Variants in ZC4H2 observed in about 807,000 individuals in gnomAD.
ZC4H2 encodes zinc finger C4H2-type containing.
For missense variants in ZC4H2, 137 were observed against 173.9 expected (o/e 0.79, Z 1.19); for synonymous variants, 84 against 66.3 (o/e 1.27, Z -1.30).
chrX:65,007,147 A>G (rs894814324), intron 1 of ZC4H2, among the ~76,000 whole-genome samples: 1 of 111,536 alleles, frequency 9.0e-6, no homozygotes, highest in Non-Finnish European at 1.9e-5. Context: ...AAAAAAAAAG[A>G]CAACTATTTT....
intron 1 of ZC4H2, among the ~76,000 whole-genome samples, chrX:64,938,567 C>T (rs1930121726): frequency 8.9e-6 from 1 of 111,951 alleles, no homozygotes; most frequent in African/African-American, 3.2e-5. Context: ...TCCAGCAGCA[C>T]ATTAAAAAGC....
At chrX:64,920,048 G>T (rs753816131) in intron 3 of ZC4H2, 33 bp downstream of exon 3, 16 of 1,192,526 alleles carry the variant, frequency 1.3e-5, no homozygotes, top group East Asian at 3.0e-5. Flanking sequence ...CGGAGGGAGG[G>T]TATGTTGTAG....
intron 1 of ZC4H2, among the ~76,000 whole-genome samples, chrX:64,953,974 A>G (rs1433900115): frequency 9.0e-6 from 1 of 110,519 alleles, no homozygotes; most frequent in Non-Finnish European, 1.9e-5. Flanking sequence ...TACACCGTGG[A>G]ATACTATGCA....
intron 1 of ZC4H2, among the ~76,000 whole-genome samples, chrX:65,030,919 T>C (rs771028861): frequency 9.0e-6 from 1 of 111,364 alleles, no homozygotes; most frequent in African/African-American, 3.3e-5. Context: ...TGTTTCCTCT[T>C]AGTAATTTTC....
intron 1 of ZC4H2, among the ~76,000 whole-genome samples, chrX:65,033,317 C>T (rs1932960212): frequency 8.9e-6 from 1 of 112,057 alleles, no homozygotes; most frequent in Non-Finnish European, 1.9e-5. Context: ...GTAGCCATTG[C>T]CTACATGTCA....
chrX:64,936,705 T>C (rs1198704115), intron 1 of ZC4H2, among the ~76,000 whole-genome samples: 2 of 111,359 alleles, frequency 1.8e-5, no homozygotes, highest in South Asian at 3.8e-4. Flanking sequence ...AAAAAATCCT[T>C]TACAGACAAG....
chrX:64,922,108 T>C, intron 1 of ZC4H2, 120 bp from the exon 2 acceptor site: 1 of 1,098,905 alleles, frequency 9.1e-7, no homozygotes, highest in Non-Finnish European at 1.2e-6. Flanking sequence ...AGAGCCAACC[T>C]GAGGCCATCT....
chrX:64,988,552 C>T (rs1197210325), intron 1 of ZC4H2, among the ~76,000 whole-genome samples: 3 of 110,993 alleles, frequency 2.7e-5, no homozygotes, highest in Non-Finnish European at 5.7e-5. Flanking sequence ...AGTGTCTGTT[C>T]ATATCCTTCG....
chrX:64,984,143 A>G (rs1374627106), intron 1 of ZC4H2, among the ~76,000 whole-genome samples: 1 of 110,756 alleles, frequency 9.0e-6, no homozygotes, highest in Non-Finnish European at 1.9e-5. Context: ...CTTTATGTCC[A>G]TGTATACCCT....
In ZC4H2 at chrX:65,029,590, G is replaced by A. The variant is rs185378603; in HGVS notation, c.-272+5039C>T. Among the ~76,000 whole-genome samples the A allele has an allele frequency of 2.3e-3, 260 of 111,126 alleles. 4 individuals are homozygous for A. In the Middle Eastern group the frequency reaches 0.046, roughly 20 times the overall value. ...CTGAGGAGAATAATATAGTTGAGAC[G>A]GACAGTTGTAAGGTACGTGAGATAG... On this transcript the variant is annotated intron_variant, in intron 1 of 4. Transcript: ENST00000337990.
At chrX:64,988,222 T>C (rs1932232889) in intron 1 of ZC4H2, among the ~76,000 whole-genome samples, 1 of 111,186 alleles carries the variant, frequency 9.0e-6, no homozygotes, top group Admixed American at 9.6e-5. Context: ...TATAGCAGCA[T>C]GATTTATAAT....
intron 1 of ZC4H2, among the ~76,000 whole-genome samples, chrX:64,940,619 T>C (rs1033909395): frequency 8.9e-6 from 1 of 111,809 alleles, no homozygotes; most frequent in African/African-American, 3.3e-5. Flanking sequence ...TGCATATGGC[T>C]AGCCTGTTTT....
At chrX:65,008,255 C>T (rs938190267) in intron 1 of ZC4H2, among the ~76,000 whole-genome samples, 8 of 111,688 alleles carry the variant, frequency 7.2e-5, no homozygotes, top group Admixed American at 2.9e-4. Context: ...ATCAAAACTA[C>T]GATGAGATTT....
chrX:64,962,786 C>A lies in ZC4H2; in HGVS notation c.53+13539G>T, dbSNP rs756585479. ...AAAAGGAAATTCAGACACAATCCCA[C>A]TTATGATAGCACCAAAAAGAACAAA... is the stretch of plus-strand genomic sequence containing the variant. On this transcript the variant is annotated intron_variant, in intron 1 of 4. Transcript: ENST00000374839. Among the ~76,000 whole-genome samples the A allele has an allele frequency of 3.1e-4, 34 of 111,464 alleles. 1 individual carries two copies. The highest frequency in any genetic ancestry group is 9.5e-5 in the Admixed American group (1 of 10,489).
At chrX:64,944,034 A>C (rs1930412994) in intron 1 of ZC4H2, among the ~76,000 whole-genome samples, 1 of 111,254 alleles carries the variant, frequency 9.0e-6, no homozygotes, top group African/African-American at 3.3e-5. Context: ...TGGTGGTGAC[A>C]AAATCCCTCA....
At chrX:64,919,237 C>G (rs762106899) in intron 3 of ZC4H2, 33 bp from the exon 4 acceptor site, 11 of 1,204,971 alleles carry the variant, frequency 9.1e-6, no homozygotes, top group African/African-American at 1.7e-5. Context: ...CTAGATCATT[C>G]TGAAAGCAAT....
intron 1 of ZC4H2, among the ~76,000 whole-genome samples, chrX:64,997,128 G>C (rs954437076): frequency 8.9e-6 from 1 of 112,143 alleles, no homozygotes. Flanking sequence ...CTGTATATGG[G>C]ATCCTCAATA....
intron 1 of ZC4H2, among the ~76,000 whole-genome samples, chrX:65,026,139 A>T (rs1255703841): frequency 8.9e-6 from 1 of 111,875 alleles, no homozygotes; most frequent in Non-Finnish European, 1.9e-5. Flanking sequence ...CCTTTATTAA[A>T]TCTGACCTAA....
intron 1 of ZC4H2, among the ~76,000 whole-genome samples, chrX:64,924,997 G>A (rs890490128): frequency 9.0e-6 from 1 of 111,283 alleles, no homozygotes; most frequent in Non-Finnish European, 1.9e-5. Flanking sequence ...CAGTAACACA[G>A]GAATAATAAT....
Sources: gnomAD v4.1 joint callset for allele counts (sites outside exome capture counted in the v4.1 genomes callset) on GRCh38, gnomAD v4.1.1 for gene constraint, MANE v1.5 for transcripts, NCBI Gene and HGNC (gene_info 2026-07-23, HGNC 2026-07-21) for gene names.